Variants in AMD1 observed in about 807,000 individuals in gnomAD.
AMD1 encodes S-adenosylmethionine decarboxylase proenzyme.
A neutral mutation model predicts 40.2 loss-of-function variants in AMD1; 11 were observed. That is an observed-to-expected ratio of 0.27 (90% CI 0.17 to 0.45). The LOEUF is 0.45. Among genes scored for constraint, AMD1 ranks in the 20% least tolerant of loss-of-function variants. The pLI is 1.00. For synonymous variants in AMD1, 121 were observed against 130.8 expected (o/e 0.93, Z 0.51); for missense variants, 257 against 410.2 (o/e 0.63, Z 3.23).
the AMD1 span, among the ~76,000 whole-genome samples, chr6:110,835,592 G>A: frequency 3.9e-5 from 6 of 152,134 alleles, no homozygotes; most frequent in East Asian, 3.9e-4. Flanking sequence ...CAGGCCGGGC[G>A]CAGTGGTTCA....
chr6:110,851,197 C>G, the AMD1 span, among the ~76,000 whole-genome samples: 1 of 152,016 alleles, frequency 6.6e-6, no homozygotes, highest in South Asian at 2.1e-4. Flanking sequence ...AACTCCTGAC[C>G]TCAGGTGATC....
At chr6:110,828,456 A>C in the AMD1 span, among the ~76,000 whole-genome samples, 1 of 152,128 alleles carries the variant, frequency 6.6e-6, no homozygotes, top group Admixed American at 6.5e-5. Flanking sequence ...AAGAAAGAAA[A>C]GAAAAGAAAA....
intron 3 of AMD1, 93 bp downstream of exon 3, chr6:110,889,076 C>T (rs1785868226): frequency 4.8e-6 from 7 of 1,462,510 alleles, no homozygotes; most frequent in Non-Finnish European, 6.4e-6. Flanking sequence ...ATACTTACTG[C>T]CTTTGTTACA....
the AMD1 span, among the ~76,000 whole-genome samples, chr6:110,861,375 T>C: frequency 1.3e-4 from 13 of 102,566 alleles, no homozygotes; most frequent in Non-Finnish European, 2.4e-4. Context: ...AAAAAAAAAA[T>C]TAGCCAGATG....
rs1254136566 is a variant in AMD1 at position 110,892,999 on chromosome 6, C to G, written c.798C>G (p.Asp266Glu). The G allele has an allele frequency of 6.2e-7, 1 of 1,613,814 alleles. No individual in the cohort carries two copies. Among genetic ancestry groups the G allele is most frequent in the Non-Finnish European group, 8.5e-7 (1 of 1,179,958 alleles). Residue 266 changes from aspartate (D) to glutamate (E), a missense_variant, in exon 8 of 9, where the codon GAC becomes GAG. By Grantham distance (45) the Asp-to-Glu change is conservative (BLOSUM62 2). Coordinates refer to ENST00000368885, the MANE Select transcript of AMD1 (RefSeq NM_001634.6). Reference protein sequence around the residue: ...ETNLSQTSYDDLIRKVVEVFK... With the variant: ...ETNLSQTSYDELIRKVVEVFK... ...ACTTAAGTCAGACCTCCTATGATGA[C>G]CTGATCAGGAAAGTTGTAGAAGTCT...
chr6:110,857,193 C>G, the AMD1 span, among the ~76,000 whole-genome samples: 2 of 150,838 alleles, frequency 1.3e-5, no homozygotes, highest in Non-Finnish European at 3.0e-5. Context: ...CCAACTAAAA[C>G]CTATGTCCAG....
the AMD1 span, among the ~76,000 whole-genome samples, chr6:110,840,013 C>CTTT: frequency 2.0e-3 from 188 of 92,802 alleles, no homozygotes; most frequent in East Asian, 9.1e-3. Context: ...GATTCTCTCT[C>CTTT]TTTTTTTTTT....
the AMD1 span, among the ~76,000 whole-genome samples, chr6:110,850,615 G>C: frequency 5.3e-5 from 8 of 152,104 alleles, no homozygotes; most frequent in Admixed American, 6.6e-5. Flanking sequence ...GCAAAATCTT[G>C]CAAGTTGTTA....
upstream of AMD1, among the ~76,000 whole-genome samples, chr6:110,872,150 T>C (rs143870837): frequency 3.4e-4 from 52 of 152,250 alleles, no homozygotes; most frequent in African/African-American, 1.1e-3. Flanking sequence ...GCCATTTCAG[T>C]CAAGTGCTAG....
At chr6:110,826,077 G>A in the AMD1 span, among the ~76,000 whole-genome samples, 3 of 151,198 alleles carry the variant, frequency 2.0e-5, no homozygotes, top group East Asian at 3.9e-4. Flanking sequence ...TGAGGTAGGA[G>A]GATCACTTTA....
In AMD1 at chr6:110,887,606, A is replaced by T. The variant is rs1443127814; in HGVS notation, c.197+15A>T. ...TATGTACTCAGGTAAGTCCTGTAAA[A>T]CAAGTGTTAGGTAGCTAATTTCAGT... On this transcript the variant is annotated intron_variant, in intron 2 of 8. Transcript: ENST00000368885. The T allele has an allele frequency of 6.3e-6, 10 of 1,574,882 alleles. No homozygotes were observed. The highest frequency in any genetic ancestry group is 8.6e-6 in the Non-Finnish European group (10 of 1,158,836).
the AMD1 span, among the ~76,000 whole-genome samples, chr6:110,839,056 C>T: frequency 2.6e-5 from 4 of 152,140 alleles, no homozygotes; most frequent in Admixed American, 6.5e-5. Context: ...CATGAGCCAC[C>T]GCGCCTGGCC....
At chr6:110,873,195 T>C (rs1784950380), upstream of AMD1, among the ~76,000 whole-genome samples, 1 of 152,068 alleles carries the variant, frequency 6.6e-6, no homozygotes, top group African/African-American at 2.4e-5. Flanking sequence ...TGAAACCTCG[T>C]CTCTACTAAA....
the AMD1 span, among the ~76,000 whole-genome samples, chr6:110,842,322 T>C: frequency 6.6e-6 from 1 of 152,198 alleles, no homozygotes; most frequent in African/African-American, 2.4e-5. Context: ...GCAGATATGC[T>C]TACAGCATTG....
At chr6:110,842,075 T>A in the AMD1 span, among the ~76,000 whole-genome samples, 2 of 152,146 alleles carry the variant, frequency 1.3e-5, no homozygotes, top group African/African-American at 4.8e-5. Flanking sequence ...AGTGCTGGGA[T>A]TATATGCATG....
At chr6:110,870,425 C>A (rs1784893249), upstream of AMD1, among the ~76,000 whole-genome samples, 1 of 152,082 alleles carries the variant, frequency 6.6e-6, no homozygotes, top group South Asian at 2.1e-4. Flanking sequence ...GAGTTCAAGA[C>A]CAGCCTGGGG....
the AMD1 span, among the ~76,000 whole-genome samples, chr6:110,867,893 G>A: frequency 6.6e-6 from 1 of 152,082 alleles, no homozygotes; most frequent in African/African-American, 2.4e-5. Context: ...AATTACTAAT[G>A]GAAAATTACA....
intron 3 of AMD1, chr6:110,890,033 G>T: frequency 4.6e-6 from 2 of 434,136 alleles, no homozygotes; most frequent in Non-Finnish European, 4.1e-6. Context: ...GAGAGAGATG[G>T]GGCCTCAGTA....
chr6:110,837,043 A>T, the AMD1 span, among the ~76,000 whole-genome samples: 2 of 151,672 alleles, frequency 1.3e-5, no homozygotes, highest in African/African-American at 4.8e-5. Context: ...TGTAGTCCTA[A>T]CTACTTGAGA....
Sources: allele counts gnomAD v4.1 joint callset (sites outside exome capture counted in the v4.1 genomes callset), GRCh38; gene constraint gnomAD v4.1.1; transcripts MANE v1.5; gene names NCBI Gene and HGNC (gene_info 2026-07-23, HGNC 2026-07-21).